The following PRORP variants were observed in gnomAD, a reference collection of about 807,000 sequenced individuals.
The protein encoded by PRORP is mitochondrial ribonuclease P catalytic subunit.
PRORP carries 51 observed loss-of-function variants against 59.4 expected under a neutral mutation model. That is an observed-to-expected ratio of 0.86 (90% CI 0.69 to 1.08). PRORP has a LOEUF of 1.08. Ranked by LOEUF, PRORP falls within the 50% of genes least tolerant of loss-of-function variation. The pLI is 0.00. For missense variants in PRORP, 646 were observed against 690.3 expected, an observed-to-expected ratio of 0.94 and a Z score of 0.72; for synonymous variants, 231 against 245.6, an observed-to-expected ratio of 0.94 and a Z score of 0.55.
At chr14:35,179,525 C>T (rs112863888) in intron 4 of PRORP, among the ~76,000 whole-genome samples, 9,356 of 152,166 alleles carry the variant, frequency 0.061, 378 homozygotes, top group Middle Eastern at 0.11. Flanking sequence ...TCCAGTTGAT[C>T]GAGTCGGTTA....
At position 35,220,271 on chromosome 14, in the gene PRORP, G is replaced by A. The variant is rs10141083; in HGVS notation, c.1275+39494G>A. On this transcript the variant is annotated intron_variant, in intron 5 of 7. Transcript: ENST00000534898. ...TCAGGTTTGTAGTCATGACACATTC[G>A]TCATTTTATGTCAATATATGCTGTT... 4.0e-3 allele frequency among the ~76,000 whole-genome samples: 605 copies of A among 152,184 alleles called. 6 individuals are homozygous for A. Among genetic ancestry groups the A allele is most frequent in the African/African-American group, 0.014 (572 of 41,510 alleles).
intron 4 of PRORP, among the ~76,000 whole-genome samples, chr14:35,150,981 C>A (rs987765799): frequency 6.6e-6 from 1 of 152,178 alleles, no homozygotes; most frequent in African/African-American, 2.4e-5. Flanking sequence ...GTGATCTTTT[C>A]TCTCTCAGAT....
At chr14:35,208,862 T>C (rs924272237) in intron 5 of PRORP, among the ~76,000 whole-genome samples, 7 of 152,002 alleles carry the variant, frequency 4.6e-5, no homozygotes, top group Admixed American at 1.3e-4. Context: ...ATACAAAAAT[T>C]AGCCAGGCCT....
intron 5 of PRORP, among the ~76,000 whole-genome samples, chr14:35,255,309 T>C (rs540654220): frequency 3.3e-5 from 5 of 151,860 alleles, no homozygotes; most frequent in Non-Finnish European, 7.4e-5. Context: ...TTTGTATTTT[T>C]AGTAGAGACG....
chr14:35,164,198 A>T (rs746275633), intron 4 of PRORP, among the ~76,000 whole-genome samples: 1 of 152,148 alleles, frequency 6.6e-6, no homozygotes, highest in Admixed American at 6.5e-5. Flanking sequence ...ATGGGATGTA[A>T]ATTAGTTCAG....
chr14:35,255,068 T>TA (rs2138606374), intron 5 of PRORP, among the ~76,000 whole-genome samples: 1 of 152,280 alleles, frequency 6.6e-6, no homozygotes, highest in African/African-American at 2.4e-5. Context: ...TCTTAGTGCA[T>TA]ACATTATATT....
At position 35,142,264 on chromosome 14, in the gene PRORP, C is replaced by T. The variant is rs1282346959; in HGVS notation, c.1167+14653C>T. ...TCCTGGGCTCAAGCATTCCTCCCAC[C>T]TCAGCCTCCCAAAGTGCTGGGATAA... On this transcript the variant is annotated intron_variant, in intron 4 of 7. Coordinates refer to ENST00000534898, the MANE Select transcript of PRORP (RefSeq NM_014672.4). Among the ~76,000 whole-genome samples, 2 of 144,218 alleles carry T rather than the reference C, an allele frequency of 1.4e-5. 1 individual carries two copies. Among genetic ancestry groups the T allele is most frequent in the Non-Finnish European group, 3.1e-5 (2 of 65,144 alleles). The allele number at this position is 144,218 out of a possible 152,430, so 94.6% of individuals were successfully genotyped here.
At chr14:35,258,625 G>A (rs764813918) in intron 5 of PRORP, among the ~76,000 whole-genome samples, 11 of 152,064 alleles carry the variant, frequency 7.2e-5, no homozygotes, top group Middle Eastern at 3.4e-3. Context: ...AGGAGGACCC[G>A]TGATGTTGTG....
chr14:35,203,486 C>G (rs1342217139), intron 5 of PRORP, among the ~76,000 whole-genome samples: 1 of 151,748 alleles, frequency 6.6e-6, no homozygotes, highest in African/African-American at 2.4e-5. Flanking sequence ...AAGATCACAC[C>G]ACTACACTGC....
At chr14:35,246,843 CTCTT>C (rs1446188395) in intron 5 of PRORP, among the ~76,000 whole-genome samples, 1 of 152,152 alleles carries the variant, frequency 6.6e-6, no homozygotes, top group African/African-American at 2.4e-5. Context: ...TCTTTCCTCT[CTCTT>C]CTTTTCTTTT....
chr14:35,191,835 ACTC>A lies in PRORP; in HGVS notation c.1275+11061_1275+11063del, dbSNP rs370952604. Among the ~76,000 whole-genome samples the A allele has an allele frequency of 1.8e-3, 266 of 151,040 alleles. 1 individual carries two copies. The highest frequency in any genetic ancestry group is 6.3e-3 in the African/African-American group (256 of 40,696). Reference sequence around the variant, plus strand: ...CCAGCCACAATTACTCTTTCTCACTACTCCTATATCCAGTAGACTGACAAGTTT... The same window carrying A: ...CCAGCCACAATTACTCTTTCTCACTACTATATCCAGTAGACTGACAAGTTT... On this transcript the variant is annotated intron_variant, in intron 5 of 7. Coordinates refer to ENST00000534898, the MANE Select transcript of PRORP (RefSeq NM_014672.4).
chr14:35,249,627 G>T (rs1199508534), intron 5 of PRORP, among the ~76,000 whole-genome samples: 4 of 151,952 alleles, frequency 2.6e-5, no homozygotes, highest in Admixed American at 2.0e-4. Context: ...TGTTGTTGTT[G>T]TTCTTAAAGA....
chr14:35,241,521 C>A (rs1461728088), intron 5 of PRORP, among the ~76,000 whole-genome samples: 1 of 152,124 alleles, frequency 6.6e-6, no homozygotes, highest in Non-Finnish European at 1.5e-5. Flanking sequence ...GGTCTTAGAC[C>A]CTTTTCATCT....
chr14:35,262,445 T>A (rs2050929401), intron 5 of PRORP: 1 of 427,624 alleles, frequency 2.3e-6, no homozygotes, highest in Admixed American at 3.5e-5. Flanking sequence ...TTCTTTGCCA[T>A]GTCTACTGAG....
intron 5 of PRORP, among the ~76,000 whole-genome samples, chr14:35,184,632 C>T (rs546030520): frequency 1.1e-4 from 16 of 152,072 alleles, no homozygotes; most frequent in Non-Finnish European, 1.8e-4. Context: ...GTATTAAGCC[C>T]AGTACTCAAT....
At position 35,276,672 on chromosome 14, in the gene PRORP, A is replaced by C. The variant is rs1288350551; in HGVS notation, c.*3106A>C. The C allele has an allele frequency of 6.6e-6, 1 of 152,136 alleles. No homozygotes were observed. The highest frequency in any genetic ancestry group is 1.5e-5 in the Non-Finnish European group (1 of 68,036). The allele number at this position is 152,136 out of a possible 1,614,324, so 9.4% of individuals were successfully genotyped here. ...CCTGTCAAGCAAGCTCCTGGACACCACAAGAAGGAGGAATTATTTTAAAAG... is the reference window on the plus strand; with the variant it reads ...CCTGTCAAGCAAGCTCCTGGACACCCCAAGAAGGAGGAATTATTTTAAAAG... On this transcript the variant is annotated 3_prime_UTR_variant, in exon 8 of 8. Transcript: ENST00000534898.
At position 35,274,545 on chromosome 14, in the gene PRORP, G is replaced by A. The variant is rs904350956; in HGVS notation, c.*979G>A. On this transcript the variant is annotated 3_prime_UTR_variant, in exon 8 of 8. Transcript: ENST00000534898. ...CACACATAGTCCCAGCTACTTTGGG[G>A]GCTGAGGTAGGAGGATTGCTTGAGC... The A allele has an allele frequency of 2.0e-5, 3 of 152,140 alleles. No homozygotes were observed. The highest frequency in any genetic ancestry group is 4.4e-5 in the Non-Finnish European group (3 of 68,072). 9.4% of individuals were successfully genotyped at this position (152,140 alleles called of 1,614,324 possible). A position where few individuals can be genotyped will look rare whatever the true frequency, so the allele number is the denominator to read the frequency against.
intron 4 of PRORP, among the ~76,000 whole-genome samples, chr14:35,135,464 C>T (rs1044550915): frequency 1.3e-5 from 2 of 152,056 alleles, no homozygotes; most frequent in East Asian, 1.9e-4. Context: ...AAATATTTAC[C>T]ATTTGGCCCT....
chr14:35,256,487 A>G (rs1312366363), intron 5 of PRORP, among the ~76,000 whole-genome samples: 2 of 150,848 alleles, frequency 1.3e-5, no homozygotes, highest in East Asian at 4.0e-4. Flanking sequence ...GCCTGCCACC[A>G]CGCCCAACTA....
Sources: allele counts gnomAD v4.1 joint callset (sites outside exome capture counted in the v4.1 genomes callset), GRCh38; gene constraint gnomAD v4.1.1; transcripts MANE v1.5; gene names NCBI Gene and HGNC (gene_info 2026-07-23, HGNC 2026-07-21).